The following KIRREL3 variants were observed in gnomAD, a reference collection of about 807,000 sequenced individuals.
KIRREL3 encodes the protein kin of IRRE-like protein 3.
In KIRREL3, 36 loss-of-function variants were observed where a neutral mutation model predicts 89.7. That is an observed-to-expected ratio of 0.40 (90% confidence interval 0.31 to 0.53). KIRREL3 has a LOEUF of 0.53. Ranked by LOEUF, KIRREL3 falls within the 20% of genes least tolerant of loss-of-function variation. The probability of loss-of-function intolerance (pLI) is 0.49; values close to 1 mark genes in which losing one functional copy is unlikely to be tolerated. For missense variants in KIRREL3, 864 were observed against 1,056.6 expected, an observed-to-expected ratio of 0.82 and a Z score of 2.53; for synonymous variants, 445 against 441.4, an observed-to-expected ratio of 1.01 and a Z score of -0.10.
chr11:126,565,000 C>T lies in KIRREL3; in HGVS notation c.56-2088G>A, dbSNP rs1251519377. Among the ~76,000 whole-genome samples, 1 of 152,172 alleles carries T rather than the reference C, an allele frequency of 6.6e-6. No homozygotes were observed. The highest frequency in any genetic ancestry group is 1.9e-4 in the East Asian group (1 of 5,196). On this transcript the variant is annotated intron_variant, in intron 1 of 16. Coordinates refer to ENST00000525144, the MANE Select transcript of KIRREL3 (RefSeq NM_032531.4). The surrounding 1 kb of genome is among the most constrained non-coding windows in gnomAD (Gnocchi z 7.4). ...TGACTTCGTATGCCCATCTAAAGCA[C>T]ATCAGCAATGGCTCCTAATGAGAAA... is the stretch of plus-strand genomic sequence containing the variant.
chr11:126,434,340 A>G (rs1025462187), intron 13 of KIRREL3, among the ~76,000 whole-genome samples: 2 of 152,198 alleles, frequency 1.3e-5, no homozygotes, highest in Non-Finnish European at 2.9e-5. Flanking sequence ...GAGACAGGAG[A>G]CACCACCCTC....
chr11:126,865,781 T>C (rs904895323), intron 1 of KIRREL3, among the ~76,000 whole-genome samples: 1 of 152,234 alleles, frequency 6.6e-6, no homozygotes, highest in Admixed American at 6.5e-5. Flanking sequence ...AGTTTTCCTT[T>C]CCAAAAAACT....
chr11:126,979,509 G>C (rs1444633963), intron 1 of KIRREL3, among the ~76,000 whole-genome samples: 1 of 152,192 alleles, frequency 6.6e-6, no homozygotes, highest in Non-Finnish European at 1.5e-5. Flanking sequence ...CGAAGTCTGG[G>C]GAAGGTGAGA....
chr11:126,905,521 G>T lies in KIRREL3; in HGVS notation c.55+94934C>A, dbSNP rs554469894. Among the ~76,000 whole-genome samples, 1 of 152,016 alleles carries T rather than the reference G, an allele frequency of 6.6e-6. No homozygotes were observed. The highest frequency in any genetic ancestry group is 1.9e-4 in the East Asian group (1 of 5,178). On this transcript the variant is annotated intron_variant, in intron 1 of 16. Transcript: ENST00000525144. This position sits in a 1 kb window ranked among gnomAD's most constrained non-coding sequence, Gnocchi z 5.0. ...CAATTTGTGGCATTTACTGTTCATC[G>T]CTCAGGGGTCAGAGGGTGGGGAGAG... is the stretch of plus-strand genomic sequence containing the variant.
At chr11:126,962,144 G>A (rs1949109520) in intron 1 of KIRREL3, among the ~76,000 whole-genome samples, 1 of 152,204 alleles carries the variant, frequency 6.6e-6, no homozygotes, top group Non-Finnish European at 1.5e-5. Context: ...AAATCAAAAA[G>A]TAATTTTGGC....
intron 4 of KIRREL3, among the ~76,000 whole-genome samples, chr11:126,509,991 C>CA (rs58061522): frequency 0.22 from 13,837 of 61,928 alleles, 2,193 homozygotes; most frequent in East Asian, 0.51. Flanking sequence ...GACTCCGTCT[C>CA]AAAAAAAAAA....
At chr11:126,631,225 C>T (rs1243826562) in intron 1 of KIRREL3, among the ~76,000 whole-genome samples, 4 of 152,188 alleles carry the variant, frequency 2.6e-5, no homozygotes, top group Non-Finnish European at 5.9e-5. Context: ...AATTCATTCT[C>T]ACAGATCTCT....
At position 126,477,058 on chromosome 11, in the gene KIRREL3, TGG is replaced by T. The variant is rs1957087082; in HGVS notation, c.434-3594_434-3593del. ...CATTAACTGTTGGGGCACTGAAGCC[TGG>T]GGAGGACTGAGCGGATCCCAGGCAG... is the stretch of plus-strand genomic sequence containing the variant. On this transcript the variant is annotated intron_variant, in intron 4 of 16. Coordinates refer to ENST00000525144, the MANE Select transcript of KIRREL3 (RefSeq NM_032531.4). The surrounding 1 kb of genome is among the most constrained non-coding windows in gnomAD (Gnocchi z 4.8). Among the ~76,000 whole-genome samples the T allele has an allele frequency of 6.6e-6, 1 of 152,216 alleles. No individual in the cohort carries two copies. The highest frequency in any genetic ancestry group is 2.1e-4 in the South Asian group (1 of 4,834).
chr11:126,494,610 C>A (rs189327870), intron 4 of KIRREL3, among the ~76,000 whole-genome samples: 1 of 152,306 alleles, frequency 6.6e-6, no homozygotes, highest in Admixed American at 6.5e-5. Context: ...GTACCCTTTA[C>A]ATTTTGTGCC....
intron 1 of KIRREL3, among the ~76,000 whole-genome samples, chr11:126,616,183 A>C (rs1272846199): frequency 6.6e-6 from 1 of 152,186 alleles, no homozygotes; most frequent in African/African-American, 2.4e-5. Flanking sequence ...CATTACTGAG[A>C]TGGCGTTGCC....
chr11:126,534,595 G>T (rs116636057), intron 2 of KIRREL3, among the ~76,000 whole-genome samples: 4 of 152,162 alleles, frequency 2.6e-5, no homozygotes, highest in Non-Finnish European at 5.9e-5. Flanking sequence ...CAGCCTGTGC[G>T]TCTCCCCTGC....
At chr11:126,960,624 C>A (rs1266545735) in intron 1 of KIRREL3, among the ~76,000 whole-genome samples, 1 of 152,194 alleles carries the variant, frequency 6.6e-6, no homozygotes, top group African/African-American at 2.4e-5. Context: ...CTCAAATACC[C>A]TGCAAAATGC....
At chr11:126,884,623 C>T (rs1245628317) in intron 1 of KIRREL3, among the ~76,000 whole-genome samples, 3 of 152,132 alleles carry the variant, frequency 2.0e-5, no homozygotes, top group African/African-American at 7.2e-5. Flanking sequence ...TAGCACGCCA[C>T]GGGGTAAAAT....
chr11:126,964,455 C>A (rs58774116), intron 1 of KIRREL3, among the ~76,000 whole-genome samples: 95 of 152,272 alleles, frequency 6.2e-4, no homozygotes, highest in African/African-American at 2.2e-3. Flanking sequence ...GCCTAGTCTG[C>A]ACTTTATTCC....
At position 126,471,526 on chromosome 11, in the gene KIRREL3, C is replaced by T. The variant is rs1386910979; in HGVS notation, c.591+1783G>A. 5.9e-5 allele frequency among the ~76,000 whole-genome samples: 9 copies of T among 152,052 alleles called. No homozygotes were observed. Among genetic ancestry groups the T allele is most frequent in the African/African-American group, 2.2e-4 (9 of 41,394 alleles). ...TGTGGGGAGAGTGTGGGCACAGCCT[C>T]TGTTGTGGCTTGCTTTCATAGGAAG... On this transcript the variant is annotated intron_variant, in intron 5 of 16. Transcript: ENST00000525144. The surrounding 1 kb of genome is among the most constrained non-coding windows in gnomAD (Gnocchi z 5.4).
At chr11:126,580,232 G>A (rs776679982) in intron 1 of KIRREL3, among the ~76,000 whole-genome samples, 8 of 152,176 alleles carry the variant, frequency 5.3e-5, no homozygotes, top group South Asian at 2.1e-4. Context: ...GGCCAGTTAC[G>A]GGGCACAGCT....
rs1592266479 is a variant in KIRREL3 at position 126,877,078 on chromosome 11, G to T, written c.55+123377C>A. On this transcript the variant is annotated intron_variant, in intron 1 of 16. Coordinates refer to ENST00000525144, the MANE Select transcript of KIRREL3 (RefSeq NM_032531.4). This position sits in a 1 kb window ranked among gnomAD's most constrained non-coding sequence, Gnocchi z 4.9. ...GGCGCTTGGCCAAAGCAGGGCTGGG[G>T]ACCTCTTGCAGGGCGACGAGGAGAT... Among the ~76,000 whole-genome samples the T allele has an allele frequency of 6.6e-6, 1 of 152,196 alleles. No homozygotes were observed. The highest frequency in any genetic ancestry group is 6.5e-5 in the Admixed American group (1 of 15,280).
chr11:126,822,962 A>C (rs59769677), intron 1 of KIRREL3, among the ~76,000 whole-genome samples: 1 of 152,186 alleles, frequency 6.6e-6, no homozygotes, highest in Non-Finnish European at 1.5e-5. Context: ...AATGGGATCC[A>C]ATGACCCCAC....
intron 1 of KIRREL3, among the ~76,000 whole-genome samples, chr11:126,938,883 G>GT (rs1948316961): frequency 6.6e-6 from 1 of 152,146 alleles, no homozygotes. Context: ...TAAAACACCA[G>GT]TTTTTGTCAG....
Sources: allele counts gnomAD v4.1 joint callset (sites outside exome capture counted in the v4.1 genomes callset), GRCh38; gene constraint gnomAD v4.1.1; non-coding constraint Gnocchi (gnomAD v3.1); transcripts MANE v1.5; gene names NCBI Gene and HGNC (gene_info 2026-07-23, HGNC 2026-07-21).